EMP3: variants seen among roughly 807,000 people sequenced by gnomAD.
EMP3 encodes the protein epithelial membrane protein 3 (MAM blood group), also known as epithelial membrane protein 3.
EMP3 carries 15 observed loss-of-function variants against 21.6 expected under a neutral mutation model. The ratio of observed to expected loss-of-function variants is 0.69; its 90% CI spans 0.46 to 1.07. The LOEUF is 1.07. Among genes scored for constraint, EMP3 ranks in the 50% least tolerant of loss-of-function variants. EMP3 has a pLI of 0.00. For synonymous variants in EMP3, 107 were observed against 86.1 expected (o/e 1.24, Z -1.34); for missense variants, 183 against 206.6 (o/e 0.89, Z 0.70).
intron 1 of EMP3, among the ~76,000 whole-genome samples, chr19:48,326,414 G>T (rs1230448205): frequency 6.6e-6 from 1 of 151,880 alleles, no homozygotes; most frequent in Non-Finnish European, 1.5e-5. Context: ...GGCCCCAGCG[G>T]TCTCCTCCCT....
chr19:48,327,193 C>G (rs139073857), intron 2 of EMP3, among the ~76,000 whole-genome samples: 1 of 151,874 alleles, frequency 6.6e-6, no homozygotes, highest in East Asian at 1.9e-4. Context: ...CCACCAAGCC[C>G]GGCTAATTTT....
At chr19:48,327,687 G>T in intron 3 of EMP3, 64 bp downstream of exon 3, 2 of 1,487,162 alleles carry the variant, frequency 1.3e-6, no homozygotes, top group Non-Finnish European at 1.9e-6. Context: ...TGTCCTCATG[G>T]GACTGAGAAT....
chr19:48,329,299 G>A lies in EMP3; in HGVS notation c.182-53G>A, dbSNP rs1969168795. ...GTCACATGGTGAGCAAGCAGGTGAA[G>A]CTGGAACTCTGGACCCACGGTGATG... On this transcript the variant is annotated intron_variant, in intron 3 of 4. Coordinates refer to ENST00000270221, the MANE Select transcript of EMP3 (RefSeq NM_001425.3). The surrounding 1 kb of genome is among the most constrained non-coding windows in gnomAD (Gnocchi z 4.5). The A allele has an allele frequency of 6.2e-7, 1 of 1,608,970 alleles. No homozygotes were observed. The highest frequency in any genetic ancestry group is 1.3e-5 in the African/African-American group (1 of 74,890).
intron 2 of EMP3, among the ~76,000 whole-genome samples, chr19:48,327,125 C>T (rs1259220876): frequency 2.6e-5 from 4 of 151,960 alleles, no homozygotes; most frequent in South Asian, 2.1e-4. Flanking sequence ...CTCGGCCTCC[C>T]GGGTTCAAGC....
Position 48,329,197 on chromosome 19 carries a change from A to G in EMP3, c.182-155A>G. 2 of 861,738 alleles carry G rather than the reference A, an allele frequency of 2.3e-6. No homozygotes were observed. The highest frequency in any genetic ancestry group is 1.8e-6 in the Non-Finnish European group (1 of 567,110). The allele number at this position is 861,738 out of a possible 1,614,324, so 53.4% of individuals were successfully genotyped here. A position where few individuals can be genotyped will look rare whatever the true frequency, so the allele number is the denominator to read the frequency against. ...GGAATATAGCAAGGTAACAGGGCTCAAGGTCAAAATAAGTGATACATCTAA... is the reference window on the plus strand; with the variant it reads ...GGAATATAGCAAGGTAACAGGGCTCGAGGTCAAAATAAGTGATACATCTAA... On this transcript the variant is annotated intron_variant, in intron 3 of 4. Coordinates refer to ENST00000270221, the MANE Select transcript of EMP3 (RefSeq NM_001425.3). The surrounding 1 kb of genome is among the most constrained non-coding windows in gnomAD (Gnocchi z 4.5).
intron 4 of EMP3, 96 bp from the exon 5 acceptor site, chr19:48,330,205 C>T: frequency 6.9e-7 from 1 of 1,453,168 alleles, no homozygotes; most frequent in Non-Finnish European, 9.0e-7. Flanking sequence ...AGCGGCGCTG[C>T]CCACGGGCCC....
chr19:48,327,180 C>T (rs2147344762), intron 2 of EMP3, among the ~76,000 whole-genome samples: 1 of 152,116 alleles, frequency 6.6e-6, no homozygotes, highest in South Asian at 2.1e-4. Context: ...TTAGAGGCAC[C>T]TGCCACCAAG....
Position 48,326,921 on chromosome 19 carries a change from A to G in EMP3, c.77A>G (p.Lys26Arg). The change falls in exon 2 of 5, where the codon AAG becomes AGG. Residue 26 changes from lysine (K) to arginine (R), a missense_variant and splice_region_variant. Lys to Arg is a conservative substitution (Grantham distance 26). Transcript: ENST00000270221. ...LILLFVATLD[K>R]SWWTLPGKES... ...CTGCTTTTCGTGGCCACTTTGGACA[A>G]GGTAAGCCTACTTGGAGCTCAGGGC... The G allele has an allele frequency of 6.2e-7, 1 of 1,613,888 alleles. No individual in the cohort carries two copies. The highest frequency in any genetic ancestry group is 8.5e-7 in the Non-Finnish European group (1 of 1,179,808).
At chr19:48,327,969 G>A (rs1175363341) in intron 3 of EMP3, among the ~76,000 whole-genome samples, 1 of 151,990 alleles carries the variant, frequency 6.6e-6, no homozygotes, top group African/African-American at 2.4e-5. Flanking sequence ...CACCACGCCT[G>A]GCTAATTTTG....
chr19:48,327,373 A>T, intron 2 of EMP3, 148 bp from the exon 3 acceptor site: 2 of 598,264 alleles, frequency 3.3e-6, no homozygotes. Flanking sequence ...TCCTGACCCT[A>T]CCCCCTCTCA....
rs1278874079 is a variant in EMP3 at position 48,325,612 on chromosome 19, T to G, written c.-16+2T>G. On this transcript the variant is annotated splice_donor_variant, in intron 1 of 4. Coordinates refer to ENST00000270221, the MANE Select transcript of EMP3 (RefSeq NM_001425.3). LOFTEE classifies it low-confidence loss of function (5UTR_SPLICE). Reference sequence around the variant, plus strand: ...CTCTGACTTTTTTCGCGGCTCTCGGTAAGTTTCCAGTCCGTTATTCAGGGC... The same window carrying G: ...CTCTGACTTTTTTCGCGGCTCTCGGGAAGTTTCCAGTCCGTTATTCAGGGC... 1 of 152,114 alleles carries G rather than the reference T, an allele frequency of 6.6e-6. No homozygotes were observed. Among genetic ancestry groups the G allele is most frequent in the East Asian group, 1.9e-4 (1 of 5,178 alleles). 9.4% of individuals were successfully genotyped at this position (152,114 alleles called of 1,614,324 possible).
chr19:48,329,301 TG>T lies in EMP3; in HGVS notation c.182-49del. 1.2e-6 allele frequency: 2 copies of T among 1,609,686 alleles called. No individual in the cohort carries two copies. Among genetic ancestry groups the T allele is most frequent in the Non-Finnish European group, 1.7e-6 (2 of 1,177,404 alleles). ...CACATGGTGAGCAAGCAGGTGAAGC[TG>T]GAACTCTGGACCCACGGTGATGTCC... is the stretch of plus-strand genomic sequence containing the variant. On this transcript the variant is annotated intron_variant, in intron 3 of 4. Coordinates refer to ENST00000270221, the MANE Select transcript of EMP3 (RefSeq NM_001425.3). This position sits in a 1 kb window ranked among gnomAD's most constrained non-coding sequence, Gnocchi z 4.5.
At chr19:48,328,411 CAAAAAAAAAAA>C (rs746709296) in intron 3 of EMP3, among the ~76,000 whole-genome samples, 24 of 80,682 alleles carry the variant, frequency 3.0e-4, no homozygotes, top group Non-Finnish European at 5.4e-4. Flanking sequence ...GATTCTGTCT[CAAAAAAAAAAA>C]AAAAAAAAAA....
intron 3 of EMP3, among the ~76,000 whole-genome samples, chr19:48,328,878 T>C (rs1969165103): frequency 6.6e-6 from 1 of 152,098 alleles, no homozygotes. Context: ...TCCCAGCACC[T>C]TGGGAGGCTG....
chr19:48,329,527 A>G lies in EMP3; in HGVS notation c.322+35A>G. The G allele has an allele frequency of 1.2e-6, 2 of 1,612,282 alleles. No individual in the cohort carries two copies. Among genetic ancestry groups the G allele is most frequent in the South Asian group, 1.1e-5 (1 of 90,934 alleles). ...GCCCCTCCCCAACCCTAATCCCCCA[A>G]GAATTGAGCAGAAGGGAGTGGGGTG... On this transcript the variant is annotated intron_variant, in intron 4 of 4. Transcript: ENST00000270221. This position sits in a 1 kb window ranked among gnomAD's most constrained non-coding sequence, Gnocchi z 4.5.
At chr19:48,330,005 C>T (rs922328799) in intron 4 of EMP3, among the ~76,000 whole-genome samples, 1 of 152,202 alleles carries the variant, frequency 6.6e-6, no homozygotes, top group Admixed American at 6.5e-5. Context: ...ATTATAGGTT[C>T]TTGCAAAGCT....
At chr19:48,327,663 AG>A (rs1569017741) in intron 3 of EMP3, 40 bp downstream of exon 3, 1 of 1,561,136 alleles carries the variant, frequency 6.4e-7, no homozygotes, top group Non-Finnish European at 8.8e-7. Flanking sequence ...TCAAAGGGGA[AG>A]GTAAACCCTT....
intron 1 of EMP3, 138 bp from the exon 2 acceptor site, chr19:48,326,692 G>A: frequency 1.4e-6 from 1 of 700,746 alleles, no homozygotes; most frequent in South Asian, 1.5e-5. Flanking sequence ...GTTTCACCAT[G>A]TTGGCCAGGC....
chr19:48,328,809 A>G (rs1370282464), intron 3 of EMP3, among the ~76,000 whole-genome samples: 4 of 152,220 alleles, frequency 2.6e-5, no homozygotes, highest in African/African-American at 9.7e-5. Flanking sequence ...CATGTTGTTT[A>G]TGTAGAAAAT....
Sources: gnomAD v4.1 joint callset for allele counts (sites outside exome capture counted in the v4.1 genomes callset) on GRCh38, gnomAD v4.1.1 for gene constraint, Gnocchi (gnomAD v3.1) non-coding constraint, MANE v1.5 for transcripts, NCBI Gene and HGNC (gene_info 2026-07-23, HGNC 2026-07-21) for gene names.